PDGFC: variants seen among roughly 807,000 people sequenced by gnomAD.
PDGFC encodes platelet derived growth factor C, also known as platelet-derived growth factor C.
Under a neutral mutation model 35.5 loss-of-function variants are expected in PDGFC, and 12 were observed. That is an observed-to-expected ratio of 0.34 (90% confidence interval 0.22 to 0.55). PDGFC has a LOEUF of 0.55. Ranked by LOEUF, PDGFC falls within the 20% of genes least tolerant of loss-of-function variation. The pLI, the probability that PDGFC is intolerant of heterozygous loss-of-function variation, is 0.91. For missense variants in PDGFC, 322 were observed against 412.4 expected, an observed-to-expected ratio of 0.78 and a Z score of 1.90; for synonymous variants, 159 against 148.8, an observed-to-expected ratio of 1.07 and a Z score of -0.50.
intron 2 of PDGFC, among the ~76,000 whole-genome samples, chr4:156,842,628 A>C (rs755744567): frequency 2.0e-5 from 3 of 152,166 alleles, no homozygotes; most frequent in African/African-American, 7.2e-5. Context: ...CAAATCTCTC[A>C]GCTTAGTAGT....
intron 4 of PDGFC, among the ~76,000 whole-genome samples, chr4:156,772,328 GATA>G (rs1162119382): frequency 1.3e-5 from 2 of 152,070 alleles, no homozygotes; most frequent in African/African-American, 4.8e-5. Context: ...TTGCAGCTAT[GATA>G]ATTTCTTTTG....
intron 1 of PDGFC, among the ~76,000 whole-genome samples, chr4:156,901,822 G>C (rs1274504451): frequency 6.6e-6 from 1 of 152,000 alleles, no homozygotes; most frequent in East Asian, 1.9e-4. Context: ...CATGTTGGCA[G>C]GCTGGTCTCA....
intron 3 of PDGFC, among the ~76,000 whole-genome samples, chr4:156,786,337 AAAAGCAGGAAGAAGTAAAAAGT>A (rs1222424268): frequency 6.6e-6 from 1 of 152,264 alleles, no homozygotes; most frequent in East Asian, 1.9e-4. Flanking sequence ...GGAAAAAAGT[AAAAGCAGGAAGAAGTAAAAAGT>A]AAAGCAGGAA....
chr4:156,868,314 T>C (rs1729894596), intron 1 of PDGFC, among the ~76,000 whole-genome samples: 2 of 152,338 alleles, frequency 1.3e-5, no homozygotes, highest in Middle Eastern at 3.4e-3. Context: ...AAATTAATTG[T>C]TGAGTCGGAA....
intron 2 of PDGFC, among the ~76,000 whole-genome samples, chr4:156,825,844 A>C (rs6821039): frequency 0.059 from 8,894 of 151,246 alleles, 866 homozygotes; most frequent in African/African-American, 0.2. Flanking sequence ...AAAGTCAGGA[A>C]CATGTTAGTA....
chr4:156,903,711 C>T (rs2110775994), intron 1 of PDGFC, among the ~76,000 whole-genome samples: 1 of 152,152 alleles, frequency 6.6e-6, no homozygotes, highest in Middle Eastern at 3.4e-3. Flanking sequence ...AAAATAAATC[C>T]AAGTGTGCAA....
intron 2 of PDGFC, among the ~76,000 whole-genome samples, chr4:156,811,488 C>T (rs569158030): frequency 3.9e-5 from 6 of 152,122 alleles, no homozygotes; most frequent in African/African-American, 9.6e-5. Flanking sequence ...TCATTGTATA[C>T]GCATCTTTCG....
chr4:156,795,812 T>C (rs776352114), intron 3 of PDGFC, among the ~76,000 whole-genome samples: 4 of 152,196 alleles, frequency 2.6e-5, no homozygotes, highest in Non-Finnish European at 4.4e-5. Flanking sequence ...TTAGCTGCAC[T>C]ACAGTCATCA....
intron 2 of PDGFC, among the ~76,000 whole-genome samples, chr4:156,837,630 C>T (rs1729094278): frequency 6.6e-6 from 1 of 150,836 alleles, no homozygotes; most frequent in African/African-American, 2.5e-5. Context: ...TCCAAAATCC[C>T]CCAAATGCTC....
chr4:156,893,163 AT>A (rs1194953240), intron 1 of PDGFC, among the ~76,000 whole-genome samples: 1 of 152,196 alleles, frequency 6.6e-6, no homozygotes, highest in Non-Finnish European at 1.5e-5. Context: ...CACCAAGAGA[AT>A]TTTAATGAAA....
At chr4:156,911,416 C>T (rs1309028894) in intron 1 of PDGFC, among the ~76,000 whole-genome samples, 4 of 151,720 alleles carry the variant, frequency 2.6e-5, no homozygotes, top group Non-Finnish European at 4.4e-5. Context: ...CCTTCTCTTT[C>T]GAGAAGAAAT....
intron 1 of PDGFC, among the ~76,000 whole-genome samples, chr4:156,969,157 G>A (rs1466191564): frequency 6.6e-6 from 1 of 152,240 alleles, no homozygotes; most frequent in African/African-American, 2.4e-5. Context: ...CAGGAAGCCA[G>A]GAATATTGTG....
At chr4:156,837,083 G>T (rs1335825278) in intron 2 of PDGFC, among the ~76,000 whole-genome samples, 1 of 152,166 alleles carries the variant, frequency 6.6e-6, no homozygotes, top group Admixed American at 6.5e-5. Flanking sequence ...AGCTCATATA[G>T]GAATATGATA....
chr4:156,877,241 T>C (rs1374159491), intron 1 of PDGFC, among the ~76,000 whole-genome samples: 2 of 151,966 alleles, frequency 1.3e-5, no homozygotes, highest in Non-Finnish European at 2.9e-5. Flanking sequence ...GAAGCATTTA[T>C]CCTTTCTCAG....
At chr4:156,957,084 G>T (rs531814226) in intron 1 of PDGFC, among the ~76,000 whole-genome samples, 2 of 151,836 alleles carry the variant, frequency 1.3e-5, no homozygotes, top group Non-Finnish European at 2.9e-5. Flanking sequence ...TACCAAATAA[G>T]CTCAGTTCTT....
intron 1 of PDGFC, among the ~76,000 whole-genome samples, chr4:156,900,590 C>T (rs972387892): frequency 1.3e-5 from 2 of 152,068 alleles, no homozygotes; most frequent in Non-Finnish European, 1.5e-5. Flanking sequence ...CCTGTAATCC[C>T]AGCACTTCGG....
chr4:156,798,214 A>G (rs1288473500), intron 3 of PDGFC, among the ~76,000 whole-genome samples: 1 of 152,150 alleles, frequency 6.6e-6, no homozygotes, highest in Non-Finnish European at 1.5e-5. Context: ...AAACAAAACA[A>G]AAACAAAACA....
chr4:156,875,655 C>T (rs188002100), intron 1 of PDGFC, among the ~76,000 whole-genome samples: 88 of 152,330 alleles, frequency 5.8e-4, no homozygotes, highest in African/African-American at 1.9e-3. Flanking sequence ...CAGTGGCTCA[C>T]GCCTGTAATC....
At chr4:156,962,502 G>T (rs1446543637) in intron 1 of PDGFC, among the ~76,000 whole-genome samples, 1 of 152,182 alleles carries the variant, frequency 6.6e-6, no homozygotes, top group East Asian at 1.9e-4. Context: ...TAAAAGGAAG[G>T]ATCTGCCATC....
Sources: gnomAD v4.1 joint callset for allele counts (sites outside exome capture counted in the v4.1 genomes callset) on GRCh38, gnomAD v4.1.1 for gene constraint, MANE v1.5 for transcripts, NCBI Gene and HGNC (gene_info 2026-07-23, HGNC 2026-07-21) for gene names.